LRRC4C: variants seen among roughly 807,000 people sequenced by gnomAD.
LRRC4C encodes the protein leucine rich repeat containing 4C, also known as leucine-rich repeat-containing protein 4C.
A neutral mutation model predicts 33.6 loss-of-function variants in LRRC4C; 5 were observed. The observed-to-expected ratio is 0.15, with a 90% CI of 0.08 to 0.31. The LOEUF is 0.31. Ranked by LOEUF, LRRC4C falls within the 10% of genes least tolerant of loss-of-function variation. The pLI is 1.00. For missense variants in LRRC4C, 560 were observed against 796.7 expected (o/e 0.70, Z 3.58); for synonymous variants, 329 against 302.0 (o/e 1.09, Z -0.93).
At chr11:41,178,076 G>T (rs1470853935) in intron 1 of LRRC4C, among the ~76,000 whole-genome samples, 1 of 152,082 alleles carries the variant, frequency 6.6e-6, no homozygotes, top group Non-Finnish European at 1.5e-5. Context: ...TGTCTCCCAA[G>T]CCCATTACAT....
At chr11:40,186,330 TTA>T (rs1468392074) in intron 5 of LRRC4C, among the ~76,000 whole-genome samples, 1 of 152,176 alleles carries the variant, frequency 6.6e-6, no homozygotes, top group Non-Finnish European at 1.5e-5. Context: ...TCTCCCAAAT[TTA>T]AGCTTTTTAT....
At chr11:41,406,446 C>T (rs978960554) in intron 1 of LRRC4C, among the ~76,000 whole-genome samples, 2 of 151,918 alleles carry the variant, frequency 1.3e-5, no homozygotes, top group East Asian at 1.9e-4. Context: ...TTCATCATTG[C>T]GTGGGTATCT....
At chr11:40,253,790 T>C (rs1187997873) in intron 4 of LRRC4C, among the ~76,000 whole-genome samples, 2 of 152,178 alleles carry the variant, frequency 1.3e-5, no homozygotes, top group African/African-American at 2.4e-5. Flanking sequence ...CTCAATTCTC[T>C]CAACAATAAA....
At chr11:40,166,725 A>G (rs1859626559) in intron 5 of LRRC4C, among the ~76,000 whole-genome samples, 1 of 152,178 alleles carries the variant, frequency 6.6e-6, no homozygotes, top group East Asian at 1.9e-4. Context: ...ACTCTGGGTA[A>G]TGACTACTAG....
chr11:40,184,539 T>C (rs1431991806), intron 5 of LRRC4C, among the ~76,000 whole-genome samples: 6 of 152,298 alleles, frequency 3.9e-5, no homozygotes, highest in Admixed American at 3.3e-4. Context: ...AGGAGACTTG[T>C]AGAAATGAAA....
intron 2 of LRRC4C, among the ~76,000 whole-genome samples, chr11:40,911,977 G>A (rs984039158): frequency 1.3e-5 from 2 of 152,162 alleles, no homozygotes; most frequent in African/African-American, 4.8e-5. Context: ...GAAATGAAGT[G>A]AGAAGGGAAG....
intron 3 of LRRC4C, among the ~76,000 whole-genome samples, chr11:40,402,114 C>T (rs1189448249): frequency 6.6e-6 from 1 of 152,000 alleles, no homozygotes; most frequent in East Asian, 1.9e-4. Context: ...CATTTGAGAA[C>T]ACTGAAAAGG....
intron 1 of LRRC4C, among the ~76,000 whole-genome samples, chr11:41,080,513 G>A (rs564446306): frequency 1.8e-4 from 27 of 151,902 alleles, no homozygotes; most frequent in Non-Finnish European, 2.9e-4. Context: ...CACTATGCCC[G>A]GCAAATTTTT....
At chr11:41,438,063 A>AC (rs1351549878) in intron 1 of LRRC4C, among the ~76,000 whole-genome samples, 78 of 148,590 alleles carry the variant, frequency 5.2e-4, no homozygotes, top group East Asian at 1.6e-3. Context: ...ATAAATAAAT[A>AC]AATAAATAAT....
chr11:40,585,368 G>T (rs925925682), intron 3 of LRRC4C, among the ~76,000 whole-genome samples: 1 of 152,078 alleles, frequency 6.6e-6, no homozygotes, highest in African/African-American at 2.4e-5. Context: ...ACATCCAGCA[G>T]CAGAACAGGG....
intron 1 of LRRC4C, among the ~76,000 whole-genome samples, chr11:41,168,939 C>A (rs1428935843): frequency 6.6e-6 from 1 of 152,068 alleles, no homozygotes; most frequent in Non-Finnish European, 1.5e-5. Context: ...ATGCCCCATG[C>A]CAGGAGATTT....
chr11:41,102,755 C>T (rs1341180532), intron 1 of LRRC4C, among the ~76,000 whole-genome samples: 5 of 152,022 alleles, frequency 3.3e-5, no homozygotes, highest in South Asian at 2.1e-4. Flanking sequence ...TTAAACAACG[C>T]TGTGCTCATT....
At chr11:40,912,862 C>T (rs1365683460) in intron 2 of LRRC4C, among the ~76,000 whole-genome samples, 1 of 151,878 alleles carries the variant, frequency 6.6e-6, no homozygotes, top group Non-Finnish European at 1.5e-5. Context: ...ATCTACCAAG[C>T]CAATGGAAAA....
intron 2 of LRRC4C, among the ~76,000 whole-genome samples, chr11:40,760,035 T>C (rs1004468207): frequency 6.6e-6 from 1 of 151,920 alleles, no homozygotes; most frequent in Non-Finnish European, 1.5e-5. Context: ...CAAGTGACTC[T>C]GCCCCCCAAC....
chr11:40,750,032 C>A (rs1565011668), intron 2 of LRRC4C, among the ~76,000 whole-genome samples: 1 of 152,042 alleles, frequency 6.6e-6, no homozygotes, highest in African/African-American at 2.4e-5. Context: ...ACCAGCCTGG[C>A]CAACATGGTG....
At chr11:40,617,023 T>G (rs2135928055) in intron 3 of LRRC4C, among the ~76,000 whole-genome samples, 1 of 151,900 alleles carries the variant, frequency 6.6e-6, no homozygotes, top group Non-Finnish European at 1.5e-5. Flanking sequence ...GATAGCCACT[T>G]CACTCATTTT....
chr11:40,414,658 A>T (rs1017655196), intron 3 of LRRC4C, among the ~76,000 whole-genome samples: 4 of 151,970 alleles, frequency 2.6e-5, no homozygotes, highest in Non-Finnish European at 2.9e-5. Flanking sequence ...TGGCTAATTT[A>T]AAAAAAGACC....
rs1323766317 is a variant in LRRC4C, at chr11:40,585,683, T to C, written c.-270+62459A>G. 9.5e-5 allele frequency among the ~76,000 whole-genome samples: 13 copies of C among 137,322 alleles called. No homozygotes were observed. In the South Asian group the frequency reaches 1.0e-3, roughly 11 times the overall value. 90.1% of individuals were successfully genotyped at this position (137,322 alleles called of 152,430 possible). ...TTCCCCTTCCTGTGTCCATGTGATCTCATTGTTCAATTCCCACCTATGAGG... is the reference window on the plus strand; with the variant it reads ...TTCCCCTTCCTGTGTCCATGTGATCCCATTGTTCAATTCCCACCTATGAGG... On this transcript the variant is annotated intron_variant, in intron 3 of 6. Transcript: ENST00000528697.
chr11:41,116,193 G>C (rs892984285), intron 1 of LRRC4C, among the ~76,000 whole-genome samples: 2 of 151,930 alleles, frequency 1.3e-5, no homozygotes, highest in Non-Finnish European at 2.9e-5. Context: ...TACAAGCTTT[G>C]GTTTCAAAGA....
Sources: allele counts gnomAD v4.1 joint callset (sites outside exome capture counted in the v4.1 genomes callset), GRCh38; gene constraint gnomAD v4.1.1; transcripts MANE v1.5; gene names NCBI Gene and HGNC (gene_info 2026-07-23, HGNC 2026-07-21).